Variants in R3HDM2 observed in about 807,000 individuals in gnomAD.
R3HDM2 encodes R3H domain-containing protein 2.
R3HDM2 carries 38 observed loss-of-function variants against 124.5 expected under a neutral mutation model. That is an observed-to-expected ratio of 0.31 (90% CI 0.24 to 0.40). R3HDM2 has a LOEUF of 0.40. Ranked by LOEUF, R3HDM2 falls within the 10% of genes least tolerant of loss-of-function variation. The probability of loss-of-function intolerance (pLI) is 1.00; values close to 1 mark genes in which losing one functional copy is unlikely to be tolerated. For missense variants in R3HDM2, 869 were observed against 1,236.9 expected, an observed-to-expected ratio of 0.70 and a Z score of 4.46; for synonymous variants, 391 against 448.0, an observed-to-expected ratio of 0.87 and a Z score of 1.61.
intron 9 of R3HDM2, among the ~76,000 whole-genome samples, chr12:57,295,815 AATT>A (rs2049683591): frequency 6.6e-6 from 1 of 152,216 alleles, no homozygotes; most frequent in Non-Finnish European, 1.5e-5. Flanking sequence ...AGTAGGAATT[AATT>A]ATATAACCAA....
At chr12:57,256,972 C>G (rs370391163) in intron 21 of R3HDM2, among the ~76,000 whole-genome samples, 6 of 152,012 alleles carry the variant, frequency 3.9e-5, no homozygotes, top group African/African-American at 1.2e-4. Context: ...TGTGCCACCA[C>G]GCCTGGCTAA....
chr12:57,387,630 T>A (rs1433152764), intron 2 of R3HDM2, among the ~76,000 whole-genome samples: 1 of 152,236 alleles, frequency 6.6e-6, no homozygotes, highest in Non-Finnish European at 1.5e-5. Context: ...CAATCATTTT[T>A]AAGAGTGTTA....
chr12:57,277,551 G>A (rs1360351953), intron 14 of R3HDM2, among the ~76,000 whole-genome samples: 1 of 151,828 alleles, frequency 6.6e-6, no homozygotes, highest in East Asian at 1.9e-4. Flanking sequence ...CAATTCTCAT[G>A]CTTAGGAGGC....
At chr12:57,308,571 A>C (rs970710095) in intron 3 of R3HDM2, among the ~76,000 whole-genome samples, 1 of 151,770 alleles carries the variant, frequency 6.6e-6, no homozygotes, top group African/African-American at 2.4e-5. Context: ...CTGTAATCCC[A>C]ACTACTCGGG....
At chr12:57,387,132 T>TG (rs2065952753) in intron 2 of R3HDM2, among the ~76,000 whole-genome samples, 1 of 151,810 alleles carries the variant, frequency 6.6e-6, no homozygotes, top group African/African-American at 2.4e-5. Flanking sequence ...AGGATATGGG[T>TG]GGGGTCAGAT....
chr12:57,314,780 T>G (rs980747299), intron 2 of R3HDM2, among the ~76,000 whole-genome samples: 1 of 152,224 alleles, frequency 6.6e-6, no homozygotes, highest in Non-Finnish European at 1.5e-5. Context: ...CCTTCAGTAT[T>G]TTTCTCTTTT....
At chr12:57,287,475 C>G (rs910221666) in intron 12 of R3HDM2, among the ~76,000 whole-genome samples, 2 of 152,080 alleles carry the variant, frequency 1.3e-5, no homozygotes, top group Non-Finnish European at 2.9e-5. Context: ...CAGGGCAGGA[C>G]AGCCTAAGAA....
rs1409690910 is a variant in R3HDM2, at chr12:57,360,902, A to C, written c.-36+34847T>G. Among the ~76,000 whole-genome samples the C allele has an allele frequency of 2.0e-5, 3 of 151,716 alleles. No homozygotes were observed. The South Asian group carries it at 6.2e-4, about 32-fold the overall frequency. Reference sequence around the variant, plus strand: ...CCTGTCTCTACTAAAAATACAAAAAATTAACCAGCCGTGGTGGGGGGTGCC... The same window carrying C: ...CCTGTCTCTACTAAAAATACAAAAACTTAACCAGCCGTGGTGGGGGGTGCC... On this transcript the variant is annotated intron_variant, in intron 2 of 23. Transcript: ENST00000402412.
intron 2 of R3HDM2, among the ~76,000 whole-genome samples, chr12:57,372,766 C>T (rs1403307761): frequency 6.6e-6 from 1 of 152,202 alleles, no homozygotes; most frequent in Non-Finnish European, 1.5e-5. Flanking sequence ...ACTGAGATAG[C>T]ACTCAATATT....
At chr12:57,320,807 A>G (rs2056326638) in intron 2 of R3HDM2, among the ~76,000 whole-genome samples, 1 of 152,196 alleles carries the variant, frequency 6.6e-6, no homozygotes, top group African/African-American at 2.4e-5. Context: ...GCATTGAGCC[A>G]AAAGGAATAT....
At chr12:57,257,018 C>T (rs975727173) in intron 21 of R3HDM2, among the ~76,000 whole-genome samples, 1 of 152,180 alleles carries the variant, frequency 6.6e-6, no homozygotes, top group East Asian at 1.9e-4. Context: ...TGGGGTTTCA[C>T]CACGTTGGCC....
chr12:57,335,981 A>G (rs2058804266), intron 2 of R3HDM2, among the ~76,000 whole-genome samples: 1 of 152,032 alleles, frequency 6.6e-6, no homozygotes, highest in Non-Finnish European at 1.5e-5. Flanking sequence ...GACAACAAGC[A>G]TATGGAAAAA....
Position 57,307,507 on chromosome 12 carries a change from G to A in R3HDM2, c.165+2757C>T, listed in dbSNP as rs11172151. On this transcript the variant is annotated intron_variant, in intron 3 of 23. Coordinates refer to ENST00000402412, the MANE Select transcript of R3HDM2 (RefSeq NM_001394031.1). The stretch of plus-strand genomic sequence containing the variant: ...AGCTAATTTTTGTATTTTTAGTAGA[G>A]ATGGGGTTTCGCCATGTTGGCCAGG... Among the ~76,000 whole-genome samples, 1,253 of 152,094 alleles carry A rather than the reference G, an allele frequency of 8.2e-3. 16 individuals are homozygous for A. Among genetic ancestry groups the A allele is most frequent in the African/African-American group, 0.028 (1,169 of 41,488 alleles).
chr12:57,277,742 C>G lies in R3HDM2; in HGVS notation c.1344+2616G>C, dbSNP rs1013162323. Reference sequence around the variant, plus strand: ...GGATTACAGGCGTGAGCTACCGCACCCAGTCTCAAAGTTTTTCTTCTACAG... The same window carrying G: ...GGATTACAGGCGTGAGCTACCGCACGCAGTCTCAAAGTTTTTCTTCTACAG... On this transcript the variant is annotated intron_variant, in intron 14 of 23. Coordinates refer to ENST00000402412, the MANE Select transcript of R3HDM2 (RefSeq NM_001394031.1). 2.0e-5 allele frequency among the ~76,000 whole-genome samples: 3 copies of G among 152,186 alleles called. No individual in the cohort carries two copies. In the East Asian group the frequency reaches 5.8e-4, roughly 29 times the overall value.
chr12:57,331,229 G>A (rs986609730), intron 2 of R3HDM2, among the ~76,000 whole-genome samples: 1 of 152,044 alleles, frequency 6.6e-6, no homozygotes, highest in African/African-American at 2.4e-5. Flanking sequence ...TAAAAACGTT[G>A]TTAGGTCATT....
chr12:57,360,022 TACAC>T (rs1275851508), intron 2 of R3HDM2, among the ~76,000 whole-genome samples: 192 of 90,180 alleles, frequency 2.1e-3, no homozygotes, highest in African/African-American at 4.7e-3. Context: ...TATATATATA[TACAC>T]ACATATATAT....
intron 4 of R3HDM2, among the ~76,000 whole-genome samples, chr12:57,300,647 G>A (rs1445543744): frequency 2.0e-5 from 3 of 152,118 alleles, no homozygotes; most frequent in East Asian, 1.9e-4. Flanking sequence ...GGAAAATGGC[G>A]ATAAATACCT....
At chr12:57,259,621 C>T in intron 19 of R3HDM2, among the ~76,000 whole-genome samples, 1 of 152,162 alleles carries the variant, frequency 6.6e-6, no homozygotes, top group East Asian at 1.9e-4. Context: ...TATTCAGGAA[C>T]TGACAAATGA....
At chr12:57,293,860 C>T (rs2049156110) in intron 10 of R3HDM2, among the ~76,000 whole-genome samples, 1 of 152,140 alleles carries the variant, frequency 6.6e-6, no homozygotes, top group Non-Finnish European at 1.5e-5. Flanking sequence ...GAACCTAAAT[C>T]CTACCAAATG....
Sources: gnomAD v4.1 joint callset for allele counts (sites outside exome capture counted in the v4.1 genomes callset) on GRCh38, gnomAD v4.1.1 for gene constraint, MANE v1.5 for transcripts, NCBI Gene and HGNC (gene_info 2026-07-23, HGNC 2026-07-21) for gene names.